Variants in ERBB4 observed in about 807,000 individuals in gnomAD.
ERBB4 encodes the protein erb-b2 receptor tyrosine kinase 4.
In ERBB4, 42 loss-of-function variants were observed where a neutral mutation model predicts 158.0. The observed-to-expected ratio is 0.27, with a 90% CI of 0.21 to 0.34. The LOEUF is 0.34. Among genes scored for constraint, ERBB4 ranks in the 10% least tolerant of loss-of-function variants. ERBB4 has a pLI of 1.00. For synonymous variants in ERBB4, 583 were observed against 558.7 expected, an observed-to-expected ratio of 1.04 and a Z score of -0.61; for missense variants, 1,333 against 1,624.1, an observed-to-expected ratio of 0.82 and a Z score of 3.08.
chr2:211,607,220 T>G (rs1188859084), intron 19 of ERBB4, among the ~76,000 whole-genome samples: 1 of 152,188 alleles, frequency 6.6e-6, no homozygotes, highest in Non-Finnish European at 1.5e-5. Flanking sequence ...GGAAATTTAT[T>G]TCTGACCATA....
chr2:212,495,269 CCT>C (rs111871489), intron 1 of ERBB4, among the ~76,000 whole-genome samples: 6,796 of 152,068 alleles, frequency 0.045, 515 homozygotes, highest in African/African-American at 0.15. Flanking sequence ...AATAAAATCC[CCT>C]GTCTCTCACC....
At chr2:211,772,258 G>A (rs544143230) in intron 4 of ERBB4, among the ~76,000 whole-genome samples, 176 of 152,174 alleles carry the variant, frequency 1.2e-3, no homozygotes, top group Middle Eastern at 6.8e-3. Flanking sequence ...CCTATTTTTG[G>A]AGAGTAGTTA....
intron 1 of ERBB4, among the ~76,000 whole-genome samples, chr2:212,474,212 T>A (rs905408140): frequency 6.6e-6 from 1 of 152,098 alleles, no homozygotes; most frequent in Non-Finnish European, 1.5e-5. Flanking sequence ...AGTGATTTTT[T>A]TTTTTTTAGT....
chr2:212,524,542 G>A (rs1294057049), intron 1 of ERBB4, among the ~76,000 whole-genome samples: 5 of 151,944 alleles, frequency 3.3e-5, no homozygotes, highest in Non-Finnish European at 4.4e-5. Context: ...AAAATGTATA[G>A]CATTTGCTTT....
At chr2:212,328,953 A>G (rs1170094818) in intron 1 of ERBB4, among the ~76,000 whole-genome samples, 3 of 152,044 alleles carry the variant, frequency 2.0e-5, no homozygotes, top group Admixed American at 1.3e-4. Flanking sequence ...ACTGAACATG[A>G]TATTTGATAA....
chr2:212,003,216 G>GAAACAGAAA lies in ERBB4; in HGVS notation c.235-55601_235-55600insTTTCTGTTT, dbSNP rs1491317567. ...AAGAAAGAAAGAAAGACAGAAAGAA[G>GAAACAGAAA]GAAGGAAGGAAGGAAGGAAGGAAGG... is the stretch of plus-strand genomic sequence containing the variant. On this transcript the variant is annotated intron_variant, in intron 2 of 27. Coordinates refer to ENST00000342788, the MANE Select transcript of ERBB4 (RefSeq NM_005235.3). Among the ~76,000 whole-genome samples, 10 of 34,506 alleles carry GAAACAGAAA rather than the reference G, an allele frequency of 2.9e-4. 1 individual carries two copies. The highest frequency in any genetic ancestry group is 1.1e-3 in the African/African-American group (10 of 9,190). 22.6% of individuals were successfully genotyped at this position (34,506 alleles called of 152,430 possible). A position where few individuals can be genotyped will look rare whatever the true frequency, so the allele number is the denominator to read the frequency against.
chr2:211,834,143 G>A (rs1279927351), intron 3 of ERBB4, among the ~76,000 whole-genome samples: 4 of 152,124 alleles, frequency 2.6e-5, no homozygotes, highest in African/African-American at 7.2e-5. Flanking sequence ...CGACAAAGGA[G>A]TAGTATAAAG....
At chr2:211,884,429 G>C (rs2078742686) in intron 3 of ERBB4, among the ~76,000 whole-genome samples, 1 of 152,060 alleles carries the variant, frequency 6.6e-6, no homozygotes, top group Admixed American at 6.6e-5. Context: ...GAAAAGTAAT[G>C]TCTTACTTTT....
At chr2:211,777,185 G>T (rs900034619) in intron 4 of ERBB4, 2 of 152,128 alleles carry the variant, frequency 1.3e-5, no homozygotes, top group Admixed American at 1.3e-4. Context: ...CTGATTAATT[G>T]TTATGTCCTT....
At chr2:211,462,950 A>T (rs1446210796) in intron 20 of ERBB4, among the ~76,000 whole-genome samples, 7 of 152,194 alleles carry the variant, frequency 4.6e-5, no homozygotes, top group African/African-American at 1.7e-4. Context: ...CAACAAAAAT[A>T]AATCTGATAG....
At chr2:212,519,860 G>T (rs1692055381) in intron 1 of ERBB4, among the ~76,000 whole-genome samples, 1 of 151,870 alleles carries the variant, frequency 6.6e-6, no homozygotes. Context: ...TAGCAATGCA[G>T]AGTAAATATG....
At chr2:211,427,672 T>C (rs1219427788) in intron 22 of ERBB4, among the ~76,000 whole-genome samples, 1 of 152,166 alleles carries the variant, frequency 6.6e-6, no homozygotes, top group African/African-American at 2.4e-5. Flanking sequence ...GACAATAATC[T>C]GTTTTCTACT....
intron 3 of ERBB4, among the ~76,000 whole-genome samples, chr2:211,866,218 T>C (rs564833661): frequency 1.3e-5 from 2 of 152,244 alleles, no homozygotes; most frequent in African/African-American, 4.8e-5. Context: ...GCCCCTGCAG[T>C]CCAGCCTGGG....
chr2:211,528,743 T>C (rs1485287328), intron 20 of ERBB4, among the ~76,000 whole-genome samples: 2 of 151,906 alleles, frequency 1.3e-5, no homozygotes, highest in Non-Finnish European at 2.9e-5. Flanking sequence ...TTAACCAATA[T>C]GCTACTGAAT....
Position 212,361,703 on chromosome 2 carries a change from T to C in ERBB4, c.82+176746A>G, listed in dbSNP as rs374162664. On this transcript the variant is annotated intron_variant, in intron 1 of 27. Coordinates refer to ENST00000342788, the MANE Select transcript of ERBB4 (RefSeq NM_005235.3). ...CTACTGTCATTTTGAAATCCATTTT[T>C]GGTGAATGTTATCTATACGGCCTTA... 9.2e-5 allele frequency among the ~76,000 whole-genome samples: 14 copies of C among 151,776 alleles called. No homozygotes were observed. In the East Asian group the frequency reaches 1.9e-3, roughly 21 times the overall value.
At chr2:212,360,163 C>G (rs2089630884) in intron 1 of ERBB4, among the ~76,000 whole-genome samples, 3 of 151,712 alleles carry the variant, frequency 2.0e-5, no homozygotes, top group African/African-American at 7.3e-5. Flanking sequence ...TGAAGGCATC[C>G]ACAATGACCT....
chr2:212,002,797 G>T (rs12470126), intron 2 of ERBB4, among the ~76,000 whole-genome samples: 3 of 151,992 alleles, frequency 2.0e-5, no homozygotes, highest in Non-Finnish European at 2.9e-5. Flanking sequence ...GGTGGCTCAC[G>T]CCTGTAATCC....
chr2:212,446,991 T>G (rs1283392571), intron 1 of ERBB4, among the ~76,000 whole-genome samples: 2 of 145,516 alleles, frequency 1.4e-5, no homozygotes, highest in Non-Finnish European at 3.1e-5. Flanking sequence ...AATACCAAAT[T>G]TTTCTTTTTT....
intron 5 of ERBB4, among the ~76,000 whole-genome samples, chr2:211,726,080 T>C (rs1252932368): frequency 1.3e-5 from 2 of 152,194 alleles, no homozygotes; most frequent in African/African-American, 2.4e-5. Flanking sequence ...GTATTTAAGG[T>C]ATGAATTTTA....
Sources: gnomAD v4.1 joint callset for allele counts (sites outside exome capture counted in the v4.1 genomes callset) on GRCh38, gnomAD v4.1.1 for gene constraint, MANE v1.5 for transcripts, NCBI Gene and HGNC (gene_info 2026-07-23, HGNC 2026-07-21) for gene names.